Variants in PCDHGA2 observed in about 807,000 individuals in gnomAD.
PCDHGA2 encodes protocadherin gamma-A2.
PCDHGA2 carries 40 observed loss-of-function variants against 59.2 expected under a neutral mutation model. The ratio of observed to expected loss-of-function variants is 0.68; its 90% confidence interval spans 0.52 to 0.88. The LOEUF (loss-of-function observed/expected upper bound fraction) is 0.88. Among genes scored for constraint, PCDHGA2 ranks in the 40% least tolerant of loss-of-function variants. The pLI is 0.00. For synonymous variants in PCDHGA2, 560 were observed against 526.0 expected, an observed-to-expected ratio of 1.06 and a Z score of -0.89; for missense variants, 1,226 against 1,204.0, an observed-to-expected ratio of 1.02 and a Z score of -0.27.
intron 1 of PCDHGA2, chr5:141,364,423 C>T (rs773799474): frequency 6.2e-7 from 1 of 1,613,592 alleles, no homozygotes; most frequent in South Asian, 1.1e-5. Context: ...CCGGGCAGAT[C>T]CGCTACTCGA....
chr5:141,503,392 C>T lies in PCDHGA2; in HGVS notation c.2484-2001C>T, dbSNP rs554732406. 1.2e-4 allele frequency among the ~76,000 whole-genome samples: 18 copies of T among 151,870 alleles called. No individual in the cohort carries two copies. The South Asian group carries it at 3.5e-3, about 30-fold the overall frequency. On this transcript the variant is annotated intron_variant, in intron 2 of 3. Transcript: ENST00000394576. ...CAGGTGGATCATGAGGTCAGGAGTT[C>T]GAAACCAACCTGGCCAATATGGTGA...
intron 1 of PCDHGA2, chr5:141,343,099 A>G (rs752687624): frequency 3.0e-4 from 52 of 171,582 alleles, no homozygotes; most frequent in Admixed American, 1.7e-3. Flanking sequence ...ATCTCAGTAC[A>G]CTGCAATTCC....
chr5:141,407,027 CT>C (rs1297630291), intron 1 of PCDHGA2, among the ~76,000 whole-genome samples: 1 of 152,128 alleles, frequency 6.6e-6, no homozygotes, highest in Non-Finnish European at 1.5e-5. Context: ...AAATTCTATG[CT>C]AAACATGTGA....
chr5:141,475,705 A>G (rs2099367264), intron 1 of PCDHGA2, among the ~76,000 whole-genome samples: 1 of 152,246 alleles, frequency 6.6e-6, no homozygotes. Flanking sequence ...CAGAACGGCT[A>G]GCCTCACAGC....
At chr5:141,399,796 C>T (rs62621781) in intron 1 of PCDHGA2, 21,149 of 1,613,212 alleles carry the variant, frequency 0.013, 194 homozygotes, top group Non-Finnish European at 0.015. Context: ...CAACGCACCG[C>T]GGGTGCTGTA....
At chr5:141,423,238 G>A (rs765040062) in intron 1 of PCDHGA2, 3 of 1,613,778 alleles carry the variant, frequency 1.9e-6, no homozygotes, top group South Asian at 1.1e-5. Flanking sequence ...CAGCATCCCC[G>A]AAGTCCTGGC....
chr5:141,478,692 A>C (rs1459911657), intron 1 of PCDHGA2: 2 of 1,550,666 alleles, frequency 1.3e-6, no homozygotes, highest in African/African-American at 2.7e-5. Context: ...CCTAGATCAA[A>C]GTTAGTGCCT....
Position 141,476,966 on chromosome 5 carries a change from G to T in PCDHGA2, c.2425-17841G>T, listed in dbSNP as rs780645226. The T allele has an allele frequency of 6.2e-7, 1 of 1,614,152 alleles. No homozygotes were observed. Among genetic ancestry groups the T allele is most frequent in the Admixed American group, 1.7e-5 (1 of 60,032 alleles). On this transcript the variant is annotated intron_variant, in intron 1 of 3. Coordinates refer to ENST00000394576, the MANE Select transcript of PCDHGA2 (RefSeq NM_018915.4). The surrounding 1 kb of genome is among the most constrained non-coding windows in gnomAD (Gnocchi z 7.6). Reference sequence around the variant, plus strand: ...CAACGGTGAAATTATTTACTCCTTCGGCAGCCACAACCGCGCCGGCGTGCG... The same window carrying T: ...CAACGGTGAAATTATTTACTCCTTCTGCAGCCACAACCGCGCCGGCGTGCG...
Position 141,487,333 on chromosome 5 carries a change from C to T in PCDHGA2, c.2425-7474C>T. 6.2e-7 allele frequency: 1 copy of T among 1,614,176 alleles called. No homozygotes were observed. The highest frequency in any genetic ancestry group is 8.5e-7 in the Non-Finnish European group (1 of 1,180,022). On this transcript the variant is annotated intron_variant, in intron 1 of 3. Transcript: ENST00000394576. The surrounding 1 kb of genome is among the most constrained non-coding windows in gnomAD (Gnocchi z 5.0). ...TCTCTAAGTGTCTTCGTGGGGCAGC[C>T]TGTGGAGTCACATGCTTTCCTGCTG...
chr5:141,502,955 T>C (rs2099817293), intron 2 of PCDHGA2, among the ~76,000 whole-genome samples: 1 of 149,868 alleles, frequency 6.7e-6, no homozygotes, highest in Non-Finnish European at 1.5e-5. Context: ...GCGATTCTCC[T>C]GCCTCAGCCT....
Position 141,368,541 on chromosome 5 carries a change from T to A in PCDHGA2, c.2424+27146T>A, listed in dbSNP as rs544013276. Among the ~76,000 whole-genome samples, 312 of 152,078 alleles carry A rather than the reference T, an allele frequency of 2.1e-3. 1 individual carries two copies. Among genetic ancestry groups the A allele is most frequent in the Middle Eastern group, 0.01 (3 of 292 alleles). On this transcript the variant is annotated intron_variant, in intron 1 of 3. Transcript: ENST00000394576. ...TCCTATGTGAAAACTTGCTTTTCCA[T>A]TTTTTTTAAAAGAAAATGTTATATG...
At chr5:141,422,865 C>A in intron 1 of PCDHGA2, 6 of 1,614,244 alleles carry the variant, frequency 3.7e-6, no homozygotes, top group Non-Finnish European at 5.1e-6. Flanking sequence ...TCAGCAGCAA[C>A]GTGTCGCTGA....
intron 3 of PCDHGA2, 46 bp from the exon 4 acceptor site, chr5:141,510,901 A>G: frequency 1.9e-6 from 3 of 1,613,412 alleles, no homozygotes; most frequent in African/African-American, 2.7e-5. Flanking sequence ...GTGACTGTTG[A>G]GGACCCTAAG....
In PCDHGA2 at chr5:141,350,432, G is replaced by C. The variant is rs139554138; in HGVS notation, c.2424+9037G>C. 1.4e-3 allele frequency: 2,289 copies of C among 1,610,622 alleles called. 30 individuals are homozygous for C. In the East Asian group the frequency reaches 0.023, roughly 16 times the overall value. On this transcript the variant is annotated intron_variant, in intron 1 of 3. Transcript: ENST00000394576. ...CAAGGATCTGGGGCTCAGTGTCCGG[G>C]AGTTGCCAACTCGAAAACTGCGGGT...
intron 1 of PCDHGA2, among the ~76,000 whole-genome samples, chr5:141,434,571 T>C (rs2154556263): frequency 6.6e-6 from 1 of 152,374 alleles, no homozygotes; most frequent in South Asian, 2.1e-4. Flanking sequence ...GACATGCCCC[T>C]GCTGCAGATA....
intron 1 of PCDHGA2, chr5:141,375,567 C>A (rs767430191): frequency 1.2e-6 from 2 of 1,614,076 alleles, no homozygotes. Flanking sequence ...GCAGAAGACA[C>A]CCTCCAGGGG....
At position 141,511,345 on chromosome 5, in the gene PCDHGA2, T is replaced by A; in HGVS notation, c.*172T>A. The A allele has an allele frequency of 7.8e-6, 11 of 1,410,508 alleles. No individual in the cohort carries two copies. The highest frequency in any genetic ancestry group is 1.0e-5 in the Non-Finnish European group (11 of 1,060,682). 87.4% of individuals were successfully genotyped at this position (1,410,508 alleles called of 1,614,324 possible). ...AAGTGCCCAGTCAGCACCTACCCCT[T>A]CCCCCCCAGGGGGTTGAATATGCAA... On this transcript the variant is annotated 3_prime_UTR_variant, in exon 4 of 4. Transcript: ENST00000394576.
At chr5:141,372,895 T>C in intron 1 of PCDHGA2, 1 of 1,115,450 alleles carries the variant, frequency 9.0e-7, no homozygotes, top group South Asian at 1.7e-5. Flanking sequence ...AGATTAAATA[T>C]TCCCTGATTA....
Position 141,403,170 on chromosome 5 carries a change from A to C in PCDHGA2, c.2424+61775A>C. On this transcript the variant is annotated intron_variant, in intron 1 of 3. Transcript: ENST00000394576. ...CGCATCGTCTCTAGAGGTAGGACGC[A>C]GCTTTTCTCTCTGAACCCGCGCAGC... is the stretch of plus-strand genomic sequence containing the variant. 1 of 1,614,048 alleles carries C rather than the reference A, an allele frequency of 6.2e-7. No homozygotes were observed. Among genetic ancestry groups the C allele is most frequent in the East Asian group, 2.2e-5 (1 of 44,886 alleles).
Sources: allele counts gnomAD v4.1 joint callset (sites outside exome capture counted in the v4.1 genomes callset), GRCh38; gene constraint gnomAD v4.1.1; non-coding constraint Gnocchi (gnomAD v3.1); transcripts MANE v1.5; gene names NCBI Gene and HGNC (gene_info 2026-07-23, HGNC 2026-07-21).